The following ANO4 variants were observed in gnomAD, a reference collection of about 807,000 sequenced individuals.
The protein encoded by ANO4 is anoctamin 4, also known as anoctamin-4.
In ANO4, 69 loss-of-function variants were observed where a neutral mutation model predicts 141.9. The observed-to-expected ratio is 0.49, with a 90% confidence interval of 0.40 to 0.59. The LOEUF (loss-of-function observed/expected upper bound fraction) is 0.59, where lower values mean the gene tolerates loss of function less well. Ranked by LOEUF, ANO4 falls within the 20% of genes least tolerant of loss-of-function variation. ANO4 has a pLI of 0.00. For synonymous variants in ANO4, 350 were observed against 394.3 expected (o/e 0.89, Z 1.33); for missense variants, 894 against 1,162.2 (o/e 0.77, Z 3.36).
chr12:100,974,182 C>A (rs2044054943), intron 6 of ANO4, among the ~76,000 whole-genome samples: 1 of 152,036 alleles, frequency 6.6e-6, no homozygotes, highest in African/African-American at 2.4e-5. Flanking sequence ...ATATAGCAAT[C>A]TGACAGAATA....
chr12:100,802,104 G>A (rs975192858), intron 1 of ANO4, among the ~76,000 whole-genome samples: 1 of 152,140 alleles, frequency 6.6e-6, no homozygotes, highest in Non-Finnish European at 1.5e-5. Flanking sequence ...TAGACCTGAA[G>A]GGAGTTTAGC....
intron 1 of ANO4, among the ~76,000 whole-genome samples, chr12:100,865,867 G>T (rs912661077): frequency 5.9e-5 from 9 of 152,174 alleles, no homozygotes; most frequent in African/African-American, 2.2e-4. Flanking sequence ...GTCTGAAAAA[G>T]GTTGGGGGAG....
At chr12:100,936,088 A>G (rs116184954) in intron 3 of ANO4, among the ~76,000 whole-genome samples, 5,073 of 152,214 alleles carry the variant, frequency 0.033, 228 homozygotes, top group African/African-American at 0.1. Flanking sequence ...AGTATCACCT[A>G]TTGTCTAACA....
intron 1 of ANO4, among the ~76,000 whole-genome samples, chr12:100,857,548 A>C (rs965191458): frequency 3.9e-5 from 6 of 152,146 alleles, no homozygotes; most frequent in African/African-American, 1.4e-4. Context: ...TGCCAACTCC[A>C]AAGCCCTCAT....
intron 1 of ANO4, among the ~76,000 whole-genome samples, chr12:100,883,278 G>A (rs980797661): frequency 2.0e-5 from 3 of 152,212 alleles, no homozygotes; most frequent in Admixed American, 1.3e-4. Flanking sequence ...ATCTAAGAGT[G>A]AAGTAGGAGA....
intron 14 of ANO4, among the ~76,000 whole-genome samples, chr12:101,067,614 T>C (rs1322485909): frequency 6.6e-6 from 1 of 151,908 alleles, no homozygotes; most frequent in Non-Finnish European, 1.5e-5. Context: ...ACCTGGGAGG[T>C]AGAAGTTGCA....
rs1388858803 is a variant in ANO4, at chr12:100,763,818, AT to A, written c.358+23714del. Among the ~76,000 whole-genome samples the A allele has an allele frequency of 3.3e-5, 5 of 152,268 alleles. No homozygotes were observed. The East Asian group carries it at 9.6e-4, about 29-fold the overall frequency. ...AGGACATGTTGGGTTTTGTGTTATG[AT>A]GTCCTGGCACTATAAGGTGAATATA... On this transcript the variant is annotated intron_variant, in intron 3 of 29. Coordinates refer to the ANO4 transcript ENST00000644049.
chr12:101,053,235 AAGTCTTAGCTTTGCC>A (rs1217217728), intron 14 of ANO4, among the ~76,000 whole-genome samples: 1 of 152,226 alleles, frequency 6.6e-6, no homozygotes, highest in Non-Finnish European at 1.5e-5. Context: ...TATTGGAAAG[AAGTCTTAGCTTTGCC>A]AGGCAGAGTA....
At chr12:100,774,911 A>T (rs545855579) in intron 3 of ANO4, among the ~76,000 whole-genome samples, 1 of 152,374 alleles carries the variant, frequency 6.6e-6, no homozygotes, top group East Asian at 1.9e-4. Flanking sequence ...AAGACAAATG[A>T]TTGTATAAAG....
chr12:100,881,226 T>G (rs1161358780), intron 1 of ANO4, among the ~76,000 whole-genome samples: 2 of 151,784 alleles, frequency 1.3e-5, no homozygotes, highest in African/African-American at 4.8e-5. Context: ...ATGGCACATG[T>G]ATACATATGT....
At chr12:101,035,488 A>T (rs2047157282) in intron 9 of ANO4, among the ~76,000 whole-genome samples, 1 of 152,198 alleles carries the variant, frequency 6.6e-6, no homozygotes, top group Non-Finnish European at 1.5e-5. Context: ...ATGTCGAAAC[A>T]TCTAATTAAA....
At chr12:101,091,818 G>A (rs2049789505) in intron 17 of ANO4, among the ~76,000 whole-genome samples, 1 of 151,902 alleles carries the variant, frequency 6.6e-6, no homozygotes, top group African/African-American at 2.4e-5. Context: ...GATTTGTCCA[G>A]TGCTAACTAA....
intron 14 of ANO4, chr12:101,067,143 A>T (rs1849929): frequency 0.23 from 71,677 of 313,748 alleles, 10,096 homozygotes; most frequent in East Asian, 0.53. Context: ...GATTGTGAAA[A>T]TTTTGATTTC....
intron 8 of ANO4, among the ~76,000 whole-genome samples, chr12:100,989,283 G>A (rs2044925979): frequency 6.6e-6 from 1 of 152,208 alleles, no homozygotes; most frequent in East Asian, 1.9e-4. Context: ...TCAGAGATCA[G>A]GGTGTTTTCT....
chr12:100,866,412 C>G (rs2038755798), intron 1 of ANO4, among the ~76,000 whole-genome samples: 1 of 152,194 alleles, frequency 6.6e-6, no homozygotes, highest in African/African-American at 2.4e-5. Flanking sequence ...CTGGATGTGG[C>G]TGGATGGCGG....
intron 1 of ANO4, among the ~76,000 whole-genome samples, chr12:100,868,533 G>A (rs755792091): frequency 6.6e-6 from 1 of 152,006 alleles, no homozygotes; most frequent in Non-Finnish European, 1.5e-5. Context: ...GTTAAATGCC[G>A]CCAACCAGTT....
At chr12:100,883,990 A>T (rs79898926) in intron 1 of ANO4, among the ~76,000 whole-genome samples, 7,226 of 152,298 alleles carry the variant, frequency 0.047, 231 homozygotes, top group Middle Eastern at 0.092. Context: ...CATATCAGAA[A>T]TGTAATTAAG....
intron 8 of ANO4, among the ~76,000 whole-genome samples, chr12:100,991,793 GA>G (rs1180150505): frequency 6.6e-6 from 1 of 152,002 alleles, no homozygotes; most frequent in Non-Finnish European, 1.5e-5. Context: ...TTTTTTAAAT[GA>G]AAAAATAAAT....
chr12:101,054,923 G>A (rs2048048309), intron 14 of ANO4, among the ~76,000 whole-genome samples: 1 of 152,070 alleles, frequency 6.6e-6, no homozygotes, highest in South Asian at 2.1e-4. Flanking sequence ...TCAATATATA[G>A]CATTTTGTGT....
Sources: gnomAD v4.1 joint callset for allele counts (sites outside exome capture counted in the v4.1 genomes callset) on GRCh38, gnomAD v4.1.1 for gene constraint, MANE v1.5 for transcripts, NCBI Gene and HGNC (gene_info 2026-07-23, HGNC 2026-07-21) for gene names.